Variants in GRM4 observed in about 807,000 individuals in gnomAD.
The protein encoded by GRM4 is glutamate metabotropic receptor 4.
In GRM4, 28 loss-of-function variants were observed where a neutral mutation model predicts 81.7. The observed-to-expected ratio is 0.34, with a 90% CI of 0.25 to 0.47. GRM4 has a LOEUF of 0.47. GRM4 is among the 20% of genes least tolerant of loss of function. GRM4 has a pLI of 1.00. For synonymous variants in GRM4, 488 were observed against 528.8 expected (o/e 0.92, Z 1.06); for missense variants, 948 against 1,290.0 (o/e 0.73, Z 4.06).
At chr6:34,031,794 C>T (rs1764440684) in intron 9 of GRM4, among the ~76,000 whole-genome samples, 1 of 152,218 alleles carries the variant, frequency 6.6e-6, no homozygotes, top group African/African-American at 2.4e-5. Flanking sequence ...TCTGTGACAG[C>T]ACCTGAACCC....
chr6:34,137,408 A>G (rs1424048603), intron 1 of GRM4, among the ~76,000 whole-genome samples: 1 of 152,198 alleles, frequency 6.6e-6, no homozygotes, highest in Non-Finnish European at 1.5e-5. Context: ...TTTCCAGTGA[A>G]TGGGGATGTA....
upstream of GRM4, among the ~76,000 whole-genome samples, chr6:34,146,879 C>T (rs1184765232): frequency 6.6e-6 from 1 of 152,198 alleles, no homozygotes. Context: ...ACCCCCATCC[C>T]TTGCAACTGG....
chr6:34,104,565 AC>A (rs1432261447), intron 2 of GRM4, among the ~76,000 whole-genome samples: 2 of 152,086 alleles, frequency 1.3e-5, no homozygotes, highest in African/African-American at 4.8e-5. Context: ...TGAGATTTGA[AC>A]CCAGGTCTGT....
intron 10 of GRM4, among the ~76,000 whole-genome samples, chr6:34,023,362 G>A (rs151230974): frequency 2.6e-5 from 4 of 152,310 alleles, no homozygotes; most frequent in East Asian, 1.9e-4. Flanking sequence ...TTTTGGATGC[G>A]CACATGTAAG....
chr6:34,099,005 T>TGAGCACCC (rs1201957652), intron 2 of GRM4, among the ~76,000 whole-genome samples: 1 of 147,728 alleles, frequency 6.8e-6, no homozygotes, highest in Non-Finnish European at 1.5e-5. Flanking sequence ...ACAGAGCACC[T>TGAGCACCC]GAGCACCCCT....
chr6:34,066,854 C>T (rs554561753), intron 3 of GRM4, among the ~76,000 whole-genome samples: 4 of 152,210 alleles, frequency 2.6e-5, no homozygotes, highest in African/African-American at 7.2e-5. Flanking sequence ...AAGGGTGCCG[C>T]GGTCCTCACG....
chr6:34,103,734 TC>T (rs1210601857), intron 2 of GRM4: 2 of 1,505,250 alleles, frequency 1.3e-6, no homozygotes, highest in Non-Finnish European at 1.8e-6. Context: ...AAAGTCCAAC[TC>T]CCATAGGTGA....
rs1391090655 is a variant in GRM4 at position 34,155,373 on chromosome 6, A to G, written c.18T>C (p.Pro6=). 6 of 1,501,452 alleles carry G rather than the reference A, an allele frequency of 4.0e-6. No individual in the cohort carries two copies. The African/African-American group carries it at 4.1e-5, about 10-fold the overall frequency. The allele number at this position is 1,501,452 out of a possible 1,614,324, so 93.0% of individuals were successfully genotyped here. The change falls in exon 1 of 9, where the codon CCT becomes CCC. Residue 6 remains proline (P), a synonymous_variant. Transcript: ENST00000374177. ...GCCAGCCGCAGGAAGCTGCAACTCC[A>G]GGCTCCCAAGCCGGCATCCTCCCAC...
chr6:34,124,643 G>A (rs1245348594), intron 2 of GRM4, among the ~76,000 whole-genome samples: 1 of 152,202 alleles, frequency 6.6e-6, no homozygotes, highest in Non-Finnish European at 1.5e-5. Context: ...GGTGGGCCGG[G>A]GTATGAGGCT....
At chr6:34,030,224 C>T (rs1764346362) in intron 9 of GRM4, among the ~76,000 whole-genome samples, 1 of 152,232 alleles carries the variant, frequency 6.6e-6, no homozygotes, top group African/African-American at 2.4e-5. Flanking sequence ...TGGGTCTTCA[C>T]CATGAGACTA....
chr6:34,092,833 A>C lies in GRM4; in HGVS notation c.520-734T>G, dbSNP rs1768313077. On this transcript the variant is annotated intron_variant, in intron 2 of 10. Transcript: ENST00000538487. The surrounding 1 kb of genome is among the most constrained non-coding windows in gnomAD (Gnocchi z 6.8). ...GCATCTTCCCGCCTCCACAGGCCCC[A>C]CCTGGACCCTCCCCAGGCAGGAATG... 6.6e-6 allele frequency among the ~76,000 whole-genome samples: 1 copy of C among 150,792 alleles called. No homozygotes were observed. Among genetic ancestry groups the C allele is most frequent in the Non-Finnish European group, 1.5e-5 (1 of 67,616 alleles).
Position 34,022,122 on chromosome 6 carries a change from A to T in GRM4, c.*699T>A. 6.5e-6 allele frequency: 1 copy of T among 153,460 alleles called. No individual in the cohort carries two copies. The highest frequency in any genetic ancestry group is 1.5e-5 in the Non-Finnish European group (1 of 68,922). The allele number at this position is 153,460 out of a possible 1,614,324, so 9.5% of individuals were successfully genotyped here. ...AGGAGGACGCAGCACTTGGCAACACACTCGAGATTTGTTTTCGTTTTGGCT... is the reference window on the plus strand; with the variant it reads ...AGGAGGACGCAGCACTTGGCAACACTCTCGAGATTTGTTTTCGTTTTGGCT... On this transcript the variant is annotated 3_prime_UTR_variant, in exon 11 of 11. Coordinates refer to ENST00000538487, the MANE Select transcript of GRM4 (RefSeq NM_000841.4). The surrounding 1 kb of genome is among the most constrained non-coding windows in gnomAD (Gnocchi z 5.6).
chr6:34,110,826 C>G, intron 2 of GRM4: 1 of 1,370,794 alleles, frequency 7.3e-7, no homozygotes, highest in Non-Finnish European at 9.4e-7. Context: ...CCTGGCAGCT[C>G]TCCTCTGCCC....
chr6:34,037,406 C>T lies in GRM4; in HGVS notation c.1507-803G>A, dbSNP rs142429186. ...GGCATCAGGCAAAGGGACTTGACTA[C>T]ACCTGGGAGCTGTATTCAAAGCGAC... On this transcript the variant is annotated intron_variant, in intron 8 of 10. Transcript: ENST00000538487. Among the ~76,000 whole-genome samples, 1,467 of 152,322 alleles carry T rather than the reference C, an allele frequency of 9.6e-3. 12 individuals carry two copies. The highest frequency in any genetic ancestry group is 0.015 in the Non-Finnish European group (1,004 of 68,030).
intron 2 of GRM4, among the ~76,000 whole-genome samples, chr6:34,098,525 C>CT (rs1768658876): frequency 6.6e-6 from 1 of 152,238 alleles, no homozygotes; most frequent in African/African-American, 2.4e-5. Flanking sequence ...CCCAGGCAGA[C>CT]TTTAAGATCC....
rs1186843053 is a variant in GRM4 at position 34,074,780 on chromosome 6, C to T, written c.737-12752G>A. On this transcript the variant is annotated intron_variant, in intron 3 of 10. Coordinates refer to ENST00000538487, the MANE Select transcript of GRM4 (RefSeq NM_000841.4). This position sits in a 1 kb window ranked among gnomAD's most constrained non-coding sequence, Gnocchi z 4.9. ...CGGAAAAATAATAGAAAAGGGAAGC[C>T]GTGGTGTTTGGAGGCAGATGGTGGC... is the stretch of plus-strand genomic sequence containing the variant. Among the ~76,000 whole-genome samples the T allele has an allele frequency of 6.6e-6, 1 of 152,134 alleles. No individual in the cohort carries two copies. Among genetic ancestry groups the T allele is most frequent in the Non-Finnish European group, 1.5e-5 (1 of 68,006 alleles).
intron 3 of GRM4, among the ~76,000 whole-genome samples, chr6:34,086,214 A>G (rs1329217390): frequency 1.3e-5 from 2 of 152,208 alleles, no homozygotes; most frequent in Non-Finnish European, 2.9e-5. Context: ...CGAGAGTCTC[A>G]CAGCCCACTG....
intron 2 of GRM4, chr6:34,102,228 G>A: frequency 1.5e-6 from 2 of 1,350,624 alleles, no homozygotes; most frequent in South Asian, 2.6e-5. Context: ...TCCTTTGGGA[G>A]CCCCTGCCAA....
chr6:34,120,479 C>T (rs1340989512), intron 2 of GRM4, among the ~76,000 whole-genome samples: 1 of 152,164 alleles, frequency 6.6e-6, no homozygotes, highest in Admixed American at 6.5e-5. Flanking sequence ...ATACTTAGGA[C>T]CATCTTAGAA....
Sources: allele counts gnomAD v4.1 joint callset (sites outside exome capture counted in the v4.1 genomes callset), GRCh38; gene constraint gnomAD v4.1.1; non-coding constraint Gnocchi (gnomAD v3.1); transcripts MANE v1.5; gene names NCBI Gene and HGNC (gene_info 2026-07-23, HGNC 2026-07-21).